Variants in TRHDE observed in about 807,000 individuals in gnomAD.
The protein encoded by TRHDE is thyrotropin releasing hormone degrading enzyme, also known as thyrotropin-releasing hormone-degrading ectoenzyme.
In TRHDE, 72 loss-of-function variants were observed where a neutral mutation model predicts 125.7. The observed-to-expected ratio is 0.57, with a 90% CI of 0.47 to 0.70. TRHDE has a LOEUF of 0.70. Ranked by LOEUF, TRHDE falls within the 30% of genes least tolerant of loss-of-function variation. The pLI is 0.00. For synonymous variants in TRHDE, 509 were observed against 509.1 expected, an observed-to-expected ratio of 1.00 and a Z score of 0.00; for missense variants, 1,110 against 1,327.1, an observed-to-expected ratio of 0.84 and a Z score of 2.54.
rs1592605072 is a variant in TRHDE at position 72,668,146 on chromosome 12, G to A, written c.*4951G>A. The A allele has an allele frequency of 6.6e-6, 1 of 151,446 alleles. No homozygotes were observed. Among genetic ancestry groups the A allele is most frequent in the African/African-American group, 2.4e-5 (1 of 41,322 alleles). 9.4% of individuals were successfully genotyped at this position (151,446 alleles called of 1,614,324 possible). ...TCAATTGCTTTGAACTAATGATGAA[G>A]TTTTTTAAAATATTAAGTATTTTAT... On this transcript the variant is annotated 3_prime_UTR_variant, in exon 19 of 19. Coordinates refer to ENST00000261180, the MANE Select transcript of TRHDE (RefSeq NM_013381.3).
chr12:72,376,851 A>C (rs1018946691), intron 2 of TRHDE, among the ~76,000 whole-genome samples: 5 of 151,772 alleles, frequency 3.3e-5, no homozygotes, highest in Non-Finnish European at 7.4e-5. Flanking sequence ...GTAAGTGTTC[A>C]CTTCTATATA....
intron 2 of TRHDE, among the ~76,000 whole-genome samples, chr12:72,232,966 G>T (rs1373579863): frequency 1.3e-5 from 2 of 151,980 alleles, no homozygotes; most frequent in Non-Finnish European, 2.9e-5. Flanking sequence ...TCAAAGCAGG[G>T]GATTTAATCT....
intron 2 of TRHDE, among the ~76,000 whole-genome samples, chr12:72,314,929 G>C (rs1237954452): frequency 6.6e-6 from 1 of 152,186 alleles, no homozygotes; most frequent in Admixed American, 6.5e-5. Flanking sequence ...TAGATGGCAA[G>C]TTTGCACTCA....
intron 3 of TRHDE, among the ~76,000 whole-genome samples, chr12:72,441,878 G>A (rs1048270868): frequency 6.6e-6 from 1 of 151,832 alleles, no homozygotes. Flanking sequence ...GATTTGGATA[G>A]GAATCCTCCG....
intron 12 of TRHDE, among the ~76,000 whole-genome samples, chr12:72,586,657 T>A (rs968236888): frequency 2.0e-5 from 3 of 151,982 alleles, no homozygotes; most frequent in Non-Finnish European, 4.4e-5. Flanking sequence ...TGGCCTGGAG[T>A]GCAGTTGATT....
At chr12:72,268,175 C>T (rs369736311), upstream of TRHDE, among the ~76,000 whole-genome samples, 38 of 152,198 alleles carry the variant, frequency 2.5e-4, no homozygotes, top group South Asian at 6.8e-3. Context: ...TCATATTGGT[C>T]TCCAGTTGAG....
chr12:72,273,015 C>A lies in TRHDE; in HGVS notation c.372C>A (p.Gly124=). 2 of 1,541,472 alleles carry A rather than the reference C, an allele frequency of 1.3e-6. No homozygotes were observed. Among genetic ancestry groups the A allele is most frequent in the South Asian group, 2.4e-5 (2 of 84,554 alleles). The change falls in exon 1 of 19, where the codon GGC becomes GGA. Residue 124 remains glycine (G), a synonymous_variant. Coordinates refer to ENST00000261180, the MANE Select transcript of TRHDE (RefSeq NM_013381.3). This position sits in a 1 kb window ranked among gnomAD's most constrained non-coding sequence, Gnocchi z 5.3. The part of the protein sequence containing the change: ...GASATPGADG[G]PSGFPERGGN... ...GTGCCACGCCAGGCGCCGACGGTGG[C>A]CCCTCAGGCTTTCCGGAGCGCGGCG...
At chr12:72,658,963 T>C (rs1015566339) in intron 18 of TRHDE, among the ~76,000 whole-genome samples, 1 of 152,186 alleles carries the variant, frequency 6.6e-6, no homozygotes, top group African/African-American at 2.4e-5. Context: ...ATAACCACCC[T>C]TTCTTAAATA....
intron 2 of TRHDE, among the ~76,000 whole-genome samples, chr12:72,141,745 G>C (rs1016127231): frequency 3.9e-5 from 6 of 152,200 alleles, no homozygotes; most frequent in Non-Finnish European, 8.8e-5. Flanking sequence ...TAGTACAGTA[G>C]AAGGAGGTTC....
At chr12:72,337,957 A>G (rs1869903790) in intron 2 of TRHDE, among the ~76,000 whole-genome samples, 1 of 151,640 alleles carries the variant, frequency 6.6e-6, no homozygotes, top group Non-Finnish European at 1.5e-5. Flanking sequence ...TGAAAAATCT[A>G]TCGGCAAAAT....
chr12:72,644,261 T>C (rs1395005941), intron 15 of TRHDE, among the ~76,000 whole-genome samples: 1 of 152,026 alleles, frequency 6.6e-6, no homozygotes, highest in Non-Finnish European at 1.5e-5. Context: ...AGAAAGAGAA[T>C]TCCTCCTCCC....
At position 72,613,365 on chromosome 12, in the gene TRHDE, A is replaced by AC. The variant is rs1872699106; in HGVS notation, c.2322-5526_2322-5525insC. Among the ~76,000 whole-genome samples the AC allele has an allele frequency of 2.0e-5, 3 of 152,184 alleles. No homozygotes were observed. The South Asian group carries it at 6.2e-4, about 32-fold the overall frequency. On this transcript the variant is annotated intron_variant, in intron 12 of 18. Coordinates refer to ENST00000261180, the MANE Select transcript of TRHDE (RefSeq NM_013381.3). ...AATAAAATAGATGAGCAAAAATACAAATGTCACTCTAATAAAATTTTCTCA... is the reference window on the plus strand; with the variant it reads ...AATAAAATAGATGAGCAAAAATACAACATGTCACTCTAATAAAATTTTCTCA...
chr12:72,522,959 T>C (rs574693804), intron 6 of TRHDE, among the ~76,000 whole-genome samples: 10 of 152,226 alleles, frequency 6.6e-5, no homozygotes, highest in Non-Finnish European at 8.8e-5. Context: ...ATTCCACTTT[T>C]GTTTACTTTA....
intron 1 of TRHDE, among the ~76,000 whole-genome samples, chr12:72,282,371 T>C (rs1050860799): frequency 4.6e-5 from 7 of 152,204 alleles, no homozygotes; most frequent in African/African-American, 1.7e-4. Context: ...TATTTTTTTC[T>C]CAAAATCACC....
chr12:72,465,457 G>T (rs1876326501), intron 3 of TRHDE, among the ~76,000 whole-genome samples: 2 of 152,080 alleles, frequency 1.3e-5, no homozygotes, highest in African/African-American at 4.8e-5. Flanking sequence ...TACATAAATG[G>T]CATGAATCAT....
intron 12 of TRHDE, among the ~76,000 whole-genome samples, chr12:72,584,569 T>G (rs1871366544): frequency 6.6e-6 from 1 of 152,196 alleles, no homozygotes; most frequent in Admixed American, 6.5e-5. Context: ...CCAACAACCC[T>G]AGCCTCTGGC....
chr12:72,480,065 T>C (rs1376239110), intron 5 of TRHDE, among the ~76,000 whole-genome samples: 1 of 150,720 alleles, frequency 6.6e-6, no homozygotes, highest in African/African-American at 2.4e-5. Context: ...TCTATCATTG[T>C]TGGACATTTG....
chr12:72,578,122 AAC>A (rs1455501602), intron 12 of TRHDE, among the ~76,000 whole-genome samples: 1 of 152,218 alleles, frequency 6.6e-6, no homozygotes, highest in Non-Finnish European at 1.5e-5. Flanking sequence ...CTTTAAAGAT[AAC>A]ACATAAAAGA....
At chr12:72,238,314 A>ATC (rs1878392156) in intron 2 of TRHDE, among the ~76,000 whole-genome samples, 1 of 33,752 alleles carries the variant, frequency 3.0e-5, no homozygotes. Flanking sequence ...ATATATATAT[A>ATC]TATATATACA....
Sources: gnomAD v4.1 joint callset for allele counts (sites outside exome capture counted in the v4.1 genomes callset) on GRCh38, gnomAD v4.1.1 for gene constraint, Gnocchi (gnomAD v3.1) non-coding constraint, MANE v1.5 for transcripts, NCBI Gene and HGNC (gene_info 2026-07-23, HGNC 2026-07-21) for gene names.